The following ST7 variants were observed in gnomAD, a reference collection of about 807,000 sequenced individuals.
The protein encoded by ST7 is suppressor of tumorigenicity 7 protein.
ST7 carries 28 observed loss-of-function variants against 78.7 expected under a neutral mutation model. That is an observed-to-expected ratio of 0.36 (90% CI 0.26 to 0.49). The LOEUF is 0.49. ST7 is among the 20% of genes least tolerant of loss of function. The pLI, the probability that ST7 is intolerant of heterozygous loss-of-function variation, is 0.99. For missense variants in ST7, 418 were observed against 696.0 expected (o/e 0.60, Z 4.49); for synonymous variants, 247 against 249.6 (o/e 0.99, Z 0.10).
intron 1 of ST7, among the ~76,000 whole-genome samples, chr7:117,085,609 G>A (rs1800081160): frequency 6.6e-6 from 1 of 152,216 alleles, no homozygotes; most frequent in African/African-American, 2.4e-5. Context: ...ATGCTATCAA[G>A]TACTCTCAAA....
At chr7:116,967,068 G>A (rs1339326915) in intron 1 of ST7, among the ~76,000 whole-genome samples, 1 of 150,454 alleles carries the variant, frequency 6.6e-6, no homozygotes, top group African/African-American at 2.4e-5. Flanking sequence ...GTGATAAAGT[G>A]TTACAAAATA....
At chr7:117,168,080 G>A (rs1807705543) in intron 9 of ST7, among the ~76,000 whole-genome samples, 1 of 152,196 alleles carries the variant, frequency 6.6e-6, no homozygotes, top group Admixed American at 6.5e-5. Flanking sequence ...AGGAAAGCTA[G>A]ATTTGCTAAT....
intron 1 of ST7, among the ~76,000 whole-genome samples, chr7:117,011,753 A>G (rs1795392920): frequency 1.3e-5 from 2 of 152,192 alleles, no homozygotes; most frequent in African/African-American, 4.8e-5. Flanking sequence ...CCCGAGAAGA[A>G]CTTCTGACTT....
chr7:116,955,125 C>T (rs1248212999), intron 1 of ST7: 4 of 470,886 alleles, frequency 8.5e-6, no homozygotes, highest in East Asian at 6.9e-5. Flanking sequence ...GGCTGCTTGT[C>T]GCAATATTGT....
At chr7:117,185,296 T>C (rs189164482) in intron 10 of ST7, among the ~76,000 whole-genome samples, 2 of 152,364 alleles carry the variant, frequency 1.3e-5, no homozygotes, top group East Asian at 3.9e-4. Context: ...TTGTCTGTGC[T>C]GTCGGTATCT....
At chr7:117,086,428 C>G (rs1024469868) in intron 1 of ST7, among the ~76,000 whole-genome samples, 10 of 152,098 alleles carry the variant, frequency 6.6e-5, no homozygotes, top group Admixed American at 6.5e-4. Context: ...AGGATCTAGG[C>G]GTTAGACAAT....
chr7:117,226,055 G>A (rs767820782), intron 15 of ST7, among the ~76,000 whole-genome samples: 9 of 152,026 alleles, frequency 5.9e-5, no homozygotes, highest in Non-Finnish European at 8.8e-5. Context: ...CTCCTTCTCC[G>A]AGACTGAGCC....
At chr7:117,108,183 G>C (rs1426070488) in intron 2 of ST7, among the ~76,000 whole-genome samples, 1 of 152,068 alleles carries the variant, frequency 6.6e-6, no homozygotes, top group Non-Finnish European at 1.5e-5. Context: ...GTCTAGAAGG[G>C]TTTTTCCAAT....
chr7:117,080,583 A>T (rs1799696043), intron 1 of ST7, among the ~76,000 whole-genome samples: 1 of 152,162 alleles, frequency 6.6e-6, no homozygotes, highest in African/African-American at 2.4e-5. Flanking sequence ...TCCTTAGGCT[A>T]AATTCCCACG....
intron 9 of ST7, among the ~76,000 whole-genome samples, chr7:117,163,547 A>G (rs906724103): frequency 3.9e-5 from 6 of 152,132 alleles, no homozygotes; most frequent in African/African-American, 9.7e-5. Context: ...GATAATCATG[A>G]GGTTGAGCAT....
intron 1 of ST7, among the ~76,000 whole-genome samples, chr7:116,982,843 GT>G (rs1353243160): frequency 1.3e-5 from 2 of 152,134 alleles, no homozygotes; most frequent in Non-Finnish European, 2.9e-5. Context: ...TCAGGGGAGA[GT>G]AAGGGAATAT....
intron 9 of ST7, among the ~76,000 whole-genome samples, chr7:117,169,925 C>A (rs1163734977): frequency 2.6e-5 from 4 of 151,462 alleles, no homozygotes; most frequent in Admixed American, 2.6e-4. Flanking sequence ...ATGATCGTGG[C>A]CCCTGTTTTA....
At chr7:116,978,945 G>A (rs1402058061) in intron 1 of ST7, among the ~76,000 whole-genome samples, 3 of 152,138 alleles carry the variant, frequency 2.0e-5, no homozygotes, top group South Asian at 2.1e-4. Flanking sequence ...ATTTACAGAG[G>A]TATTGGCAGG....
At chr7:117,145,380 A>G (rs1046138156) in intron 9 of ST7, 3 of 152,170 alleles carry the variant, frequency 2.0e-5, no homozygotes, top group African/African-American at 7.2e-5. Flanking sequence ...TAAACAACAG[A>G]AATTTATTCT....
At position 117,200,539 on chromosome 7, in the gene ST7, C is replaced by T. The variant is rs1186841157; in HGVS notation, c.1255-9248C>T. Among the ~76,000 whole-genome samples the T allele has an allele frequency of 2.0e-5, 3 of 152,138 alleles. 1 individual carries two copies. The highest frequency in any genetic ancestry group is 4.4e-5 in the Non-Finnish European group (3 of 68,020). Reference sequence around the variant, plus strand: ...TTAATCTTGCCCCAAATCCCAGAACCAGTAAACCATCTGCTGTCCTCACTG... The same window carrying T: ...TTAATCTTGCCCCAAATCCCAGAACTAGTAAACCATCTGCTGTCCTCACTG... On this transcript the variant is annotated intron_variant, in intron 12 of 15. Transcript: ENST00000323984.
chr7:117,214,791 G>A (rs1395806765), intron 13 of ST7, among the ~76,000 whole-genome samples: 1 of 151,964 alleles, frequency 6.6e-6, no homozygotes, highest in African/African-American at 2.4e-5. Flanking sequence ...CTTCTTGATT[G>A]TGCGTTTATT....
chr7:117,129,278 T>C (rs1804135947), intron 3 of ST7, among the ~76,000 whole-genome samples: 1 of 151,914 alleles, frequency 6.6e-6, no homozygotes, highest in South Asian at 2.1e-4. Context: ...AATTTTCTTA[T>C]TCCTTTCCTG....
In ST7 at chr7:116,998,183, G is replaced by A. The variant is rs540503130; in HGVS notation, c.151+44492G>A. 1.8e-3 allele frequency among the ~76,000 whole-genome samples: 274 copies of A among 152,322 alleles called. 1 individual carries two copies. The highest frequency in any genetic ancestry group is 3.2e-3 in the Non-Finnish European group (216 of 68,016). On this transcript the variant is annotated intron_variant, in intron 1 of 15. Coordinates refer to ENST00000323984, the MANE Select transcript of ST7 (RefSeq NM_001369598.1). ...GGCCCAGCGAGAATTCGAGCGTAGC[G>A]CTGGCGGGCCGGCACTGCTGGGGGA...
At chr7:117,064,803 A>C (rs1248818380) in intron 1 of ST7, among the ~76,000 whole-genome samples, 1 of 152,110 alleles carries the variant, frequency 6.6e-6, no homozygotes, top group Non-Finnish European at 1.5e-5. Flanking sequence ...CACCTGCAAA[A>C]ATTTTAAGAG....
Sources: allele counts gnomAD v4.1 joint callset (sites outside exome capture counted in the v4.1 genomes callset), GRCh38; gene constraint gnomAD v4.1.1; transcripts MANE v1.5; gene names NCBI Gene and HGNC (gene_info 2026-07-23, HGNC 2026-07-21).